The following ATP13A4 variants were observed in gnomAD, a reference collection of about 807,000 sequenced individuals.
The protein encoded by ATP13A4 is ATPase 13A4.
Under a neutral mutation model 142.5 loss-of-function variants are expected in ATP13A4, and 114 were observed. That is an observed-to-expected ratio of 0.80 (90% CI 0.69 to 0.93). The LOEUF is 0.93. Ranked by LOEUF, ATP13A4 falls within the 40% of genes least tolerant of loss-of-function variation. The pLI is 0.00. For missense variants in ATP13A4, 1,392 were observed against 1,454.0 expected (o/e 0.96, Z 0.69); for synonymous variants, 488 against 514.8 (o/e 0.95, Z 0.70).
intron 29 of ATP13A4, chr3:193,404,141 C>T (rs1224207104): frequency 3.1e-5 from 31 of 985,168 alleles, no homozygotes; most frequent in South Asian, 4.7e-5. Context: ...CCTTAATTGA[C>T]GTGAAAACAG....
rs1716715827 is a variant in ATP13A4, at chr3:193,442,670, T to C, written c.2153-114A>G. On this transcript the variant is annotated intron_variant, in intron 18 of 29. Coordinates refer to ENST00000342695, the MANE Select transcript of ATP13A4 (RefSeq NM_032279.4). ...TCCTTATTTCAGGTATGAAGAGAAA[T>C]GATCTCTGATATCTATTTCAGCCCT... The C allele has an allele frequency of 2.8e-6, 3 of 1,062,190 alleles. No individual in the cohort carries two copies. The South Asian group carries it at 4.0e-5, about 14-fold the overall frequency. The allele number at this position is 1,062,190 out of a possible 1,614,324, so 65.8% of individuals were successfully genotyped here. A position where few individuals can be genotyped will look rare whatever the true frequency, so the allele number is the denominator to read the frequency against.
At position 193,541,594 on chromosome 3, in the gene ATP13A4, G is replaced by C. The variant is rs571515552; in HGVS notation, c.60+13146C>G. 3.3e-5 allele frequency among the ~76,000 whole-genome samples: 5 copies of C among 151,854 alleles called. No individual in the cohort carries two copies. In the South Asian group the frequency reaches 6.3e-4, roughly 19 times the overall value. On this transcript the variant is annotated intron_variant, in intron 1 of 29. Coordinates refer to ENST00000342695, the MANE Select transcript of ATP13A4 (RefSeq NM_032279.4). ...GATTGGAAATTCTGTTTCTTTCTTT[G>C]TTTGTTTGTTTGTTTGGACTACCCC... is the stretch of plus-strand genomic sequence containing the variant.
intron 2 of ATP13A4, among the ~76,000 whole-genome samples, chr3:193,569,706 A>C (rs578117144): frequency 1.3e-5 from 2 of 151,794 alleles, no homozygotes; most frequent in East Asian, 3.9e-4. Flanking sequence ...TAAAAAAAAA[A>C]TTTTGTGTGT....
At chr3:193,431,762 T>A (rs916097517) in intron 25 of ATP13A4, among the ~76,000 whole-genome samples, 5 of 142,730 alleles carry the variant, frequency 3.5e-5, no homozygotes, top group Non-Finnish European at 7.9e-5. Flanking sequence ...ATGTTTCCCA[T>A]ATATATATAT....
intron 1 of ATP13A4, among the ~76,000 whole-genome samples, chr3:193,592,763 A>T (rs1051687619): frequency 2.0e-5 from 3 of 152,198 alleles, no homozygotes; most frequent in African/African-American, 7.2e-5. Context: ...CTCACCTCCC[A>T]TGATTGCCCT....
chr3:193,472,749 C>T (rs1157067247), intron 8 of ATP13A4, among the ~76,000 whole-genome samples: 1 of 152,134 alleles, frequency 6.6e-6, no homozygotes, highest in Non-Finnish European at 1.5e-5. Flanking sequence ...CAGTACTACC[C>T]ATGGTTTCAG....
At chr3:193,414,194 T>C (rs902861702) in intron 26 of ATP13A4, among the ~76,000 whole-genome samples, 1 of 152,208 alleles carries the variant, frequency 6.6e-6, no homozygotes, top group Non-Finnish European at 1.5e-5. Flanking sequence ...GAGTTGAATA[T>C]ATAACTTAAC....
intron 1 of ATP13A4, among the ~76,000 whole-genome samples, chr3:193,587,984 T>C (rs1373152148): frequency 1.3e-5 from 2 of 150,988 alleles, no homozygotes; most frequent in Non-Finnish European, 3.0e-5. Context: ...TATTTAAAAA[T>C]TAGCCAGGCA....
At chr3:193,524,636 A>G (rs1294519786) in intron 1 of ATP13A4, among the ~76,000 whole-genome samples, 1 of 152,218 alleles carries the variant, frequency 6.6e-6, no homozygotes, top group Non-Finnish European at 1.5e-5. Context: ...TTAAAGACAA[A>G]GCAGTTGGGT....
intron 1 of ATP13A4, among the ~76,000 whole-genome samples, chr3:193,586,187 A>T (rs2108749195): frequency 6.6e-6 from 1 of 152,166 alleles, no homozygotes; most frequent in East Asian, 1.9e-4. Context: ...TGGATTGTTC[A>T]TCTTAGTATT....
chr3:193,531,319 G>GGA (rs1389639393), intron 1 of ATP13A4, among the ~76,000 whole-genome samples: 2 of 123,466 alleles, frequency 1.6e-5, no homozygotes, highest in Non-Finnish European at 3.4e-5. Flanking sequence ...AGGAAGGAAG[G>GGA]AAGGAAGGAA....
chr3:193,446,768 G>C (rs1431239397), intron 18 of ATP13A4, among the ~76,000 whole-genome samples: 1 of 152,112 alleles, frequency 6.6e-6, no homozygotes, highest in African/African-American at 2.4e-5. Flanking sequence ...GAAACACAAA[G>C]GCAAACATTT....
At position 193,474,808 on chromosome 3, in the gene ATP13A4, T is replaced by G. The variant is rs1041094540; in HGVS notation, c.809-3815A>C. On this transcript the variant is annotated intron_variant, in intron 8 of 29. Transcript: ENST00000342695. The stretch of plus-strand genomic sequence containing the variant: ...GAGAAAAGGAGTACATGAAAGGATG[T>G]GCGGGTCATGATCATGGAGCTACAT... 3.3e-5 allele frequency among the ~76,000 whole-genome samples: 5 copies of G among 151,790 alleles called. 1 individual carries two copies. Among genetic ancestry groups the G allele is most frequent in the African/African-American group, 1.2e-4 (5 of 41,220 alleles).
chr3:193,581,854 A>C (rs1363898406), exon 2 of ATP13A4: 1 of 152,056 alleles, frequency 6.6e-6, no homozygotes, highest in Non-Finnish European at 1.5e-5. Context: ...AACATCCCCA[A>C]GGCAAGGTTA....
chr3:193,511,107 G>A (rs567328535), intron 2 of ATP13A4, among the ~76,000 whole-genome samples: 1 of 152,224 alleles, frequency 6.6e-6, no homozygotes, highest in East Asian at 1.9e-4. Flanking sequence ...GAGAGTCTCT[G>A]GCATAGCAGA....
chr3:193,455,340 C>CAAAAA (rs71179306), intron 16 of ATP13A4, among the ~76,000 whole-genome samples: 3 of 75,554 alleles, frequency 4.0e-5, no homozygotes, highest in Admixed American at 1.5e-4. Flanking sequence ...GACTCCGTCT[C>CAAAAA]AAAAAAAAAA....
chr3:193,568,022 C>T (rs1724177295), intron 2 of ATP13A4, among the ~76,000 whole-genome samples: 1 of 151,806 alleles, frequency 6.6e-6, no homozygotes, highest in Admixed American at 6.6e-5. Context: ...TGCAATGGCG[C>T]AGTCTCGGCT....
intron 18 of ATP13A4, among the ~76,000 whole-genome samples, chr3:193,447,463 T>A (rs1470513022): frequency 6.6e-6 from 1 of 152,130 alleles, no homozygotes; most frequent in Admixed American, 6.5e-5. Flanking sequence ...AAATAATGTA[T>A]CTTCGTGACA....
chr3:193,504,160 AT>A (rs956090417), intron 2 of ATP13A4, among the ~76,000 whole-genome samples: 4 of 152,260 alleles, frequency 2.6e-5, no homozygotes, highest in African/African-American at 9.6e-5. Flanking sequence ...TACACTGTGG[AT>A]TTAAAAAAAA....
Sources: gnomAD v4.1 joint callset for allele counts (sites outside exome capture counted in the v4.1 genomes callset) on GRCh38, gnomAD v4.1.1 for gene constraint, MANE v1.5 for transcripts, NCBI Gene and HGNC (gene_info 2026-07-23, HGNC 2026-07-21) for gene names.